Variants in PDE1A observed in about 807,000 individuals in gnomAD.
PDE1A encodes the protein dual specificity calcium/calmodulin-dependent 3',5'-cyclic nucleotide phosphodiesterase 1A.
PDE1A carries 35 observed loss-of-function variants against 61.7 expected under a neutral mutation model. The observed-to-expected ratio is 0.57, with a 90% CI of 0.43 to 0.75. The LOEUF is 0.75. Among genes scored for constraint, PDE1A ranks in the 30% least tolerant of loss-of-function variants. The probability of loss-of-function intolerance (pLI) is 0.00; values close to 1 mark genes in which losing one functional copy is unlikely to be tolerated. For synonymous variants in PDE1A, 232 were observed against 213.2 expected (o/e 1.09, Z -0.77); for missense variants, 597 against 630.6 (o/e 0.95, Z 0.57).
intron 11 of PDE1A, among the ~76,000 whole-genome samples, chr2:182,188,732 A>T (rs1274089470): frequency 2.6e-5 from 4 of 152,262 alleles, no homozygotes; most frequent in Non-Finnish European, 5.9e-5. Context: ...AGAAAATTTT[A>T]TATTTTGTAA....
At chr2:182,350,800 C>T (rs894408525) in intron 1 of PDE1A, among the ~76,000 whole-genome samples, 7 of 152,102 alleles carry the variant, frequency 4.6e-5, no homozygotes, top group South Asian at 2.1e-4. Flanking sequence ...TAGAGTCCCC[C>T]AGGACCCAGC....
the PDE1A span, among the ~76,000 whole-genome samples, chr2:182,695,675 AAAAAAAAAAAG>A: frequency 2.4e-4 from 22 of 92,258 alleles, no homozygotes; most frequent in Non-Finnish European, 5.0e-4. Flanking sequence ...TCAAAAAAAA[AAAAAAAAAAAG>A]AAAAAGAAAA....
chr2:182,564,635 T>C, the PDE1A span, among the ~76,000 whole-genome samples: 877 of 152,318 alleles, frequency 5.8e-3, 12 homozygotes, highest in African/African-American at 0.02. Context: ...CTGGATAATA[T>C]ACTGCAGAGT....
chr2:182,582,579 AG>A, the PDE1A span, among the ~76,000 whole-genome samples: 1 of 152,242 alleles, frequency 6.6e-6, no homozygotes, highest in Non-Finnish European at 1.5e-5. Flanking sequence ...TATGGACAAA[AG>A]AGATGGGAGA....
chr2:182,250,632 C>CT (rs1010724511), intron 2 of PDE1A, among the ~76,000 whole-genome samples: 14 of 148,912 alleles, frequency 9.4e-5, no homozygotes, highest in South Asian at 2.1e-4. Flanking sequence ...CTCGACCCAA[C>CT]TTTTTTTTTT....
At chr2:182,351,984 T>C (rs1698906850) in intron 1 of PDE1A, among the ~76,000 whole-genome samples, 1 of 152,208 alleles carries the variant, frequency 6.6e-6, no homozygotes, top group African/African-American at 2.4e-5. Flanking sequence ...AATAGAGTCA[T>C]GCATGTCAAA....
chr2:182,355,668 AT>A (rs1315820151), intron 1 of PDE1A, among the ~76,000 whole-genome samples: 1 of 152,014 alleles, frequency 6.6e-6, no homozygotes, highest in African/African-American at 2.4e-5. Flanking sequence ...TTTCTAAAGC[AT>A]TTTTTTCCTA....
chr2:182,360,903 C>T (rs1484047789), intron 1 of PDE1A, among the ~76,000 whole-genome samples: 1 of 152,000 alleles, frequency 6.6e-6, no homozygotes, highest in Non-Finnish European at 1.5e-5. Context: ...GGACAAATCA[C>T]TTAACCTCCC....
At chr2:182,239,854 G>A (rs1373013440) in intron 3 of PDE1A, among the ~76,000 whole-genome samples, 1 of 152,156 alleles carries the variant, frequency 6.6e-6, no homozygotes, top group Non-Finnish European at 1.5e-5. Flanking sequence ...GTTCATTTGA[G>A]GAGAAAGGTC....
chr2:182,306,746 A>T (rs1695613694), intron 1 of PDE1A, among the ~76,000 whole-genome samples: 1 of 152,196 alleles, frequency 6.6e-6, no homozygotes, highest in South Asian at 2.1e-4. Flanking sequence ...GTATTGACAA[A>T]CATGAAGAAA....
At chr2:182,275,485 C>A (rs966980188) in intron 1 of PDE1A, among the ~76,000 whole-genome samples, 15 of 152,024 alleles carry the variant, frequency 9.9e-5, no homozygotes, top group African/African-American at 3.6e-4. Flanking sequence ...TACACAGTAC[C>A]CAGAAGGTGT....
At chr2:182,571,273 T>C in the PDE1A span, among the ~76,000 whole-genome samples, 11 of 152,168 alleles carry the variant, frequency 7.2e-5, no homozygotes, top group Non-Finnish European at 1.5e-4. Flanking sequence ...ATAGGGGTCA[T>C]TGAAATATCA....
At chr2:182,568,363 T>C in the PDE1A span, among the ~76,000 whole-genome samples, 1 of 152,234 alleles carries the variant, frequency 6.6e-6, no homozygotes, top group South Asian at 2.1e-4. Flanking sequence ...TCTATCCTTT[T>C]ATAAAATGTT....
intron 1 of PDE1A, among the ~76,000 whole-genome samples, chr2:182,336,171 C>A (rs1415947018): frequency 6.6e-6 from 1 of 152,044 alleles, no homozygotes; most frequent in Non-Finnish European, 1.5e-5. Flanking sequence ...CTGTTGGTGG[C>A]AGAGTAGATT....
At chr2:182,643,582 A>C in the PDE1A span, among the ~76,000 whole-genome samples, 2 of 152,222 alleles carry the variant, frequency 1.3e-5, no homozygotes, top group Non-Finnish European at 2.9e-5. Flanking sequence ...TTTGAGTTAT[A>C]GTTCTAAGAA....
At chr2:182,365,257 A>G (rs11888602) in intron 1 of PDE1A, among the ~76,000 whole-genome samples, 3,680 of 152,120 alleles carry the variant, frequency 0.024, 134 homozygotes, top group African/African-American at 0.082. Context: ...GTGCAGTTGC[A>G]ATCATCTTGC....
At chr2:182,634,327 T>G in the PDE1A span, among the ~76,000 whole-genome samples, 1 of 152,236 alleles carries the variant, frequency 6.6e-6, no homozygotes, top group South Asian at 2.1e-4. Context: ...CTATGTCTAG[T>G]GTGAACCACA....
At chr2:182,414,648 C>T (rs1702810204) in intron 1 of PDE1A, among the ~76,000 whole-genome samples, 1 of 151,922 alleles carries the variant, frequency 6.6e-6, no homozygotes, top group Non-Finnish European at 1.5e-5. Flanking sequence ...GGGGCAGCAT[C>T]AAATTGTTAT....
chr2:182,404,980 G>A (rs1319463994), intron 1 of PDE1A, among the ~76,000 whole-genome samples: 3 of 152,180 alleles, frequency 2.0e-5, no homozygotes, highest in Non-Finnish European at 2.9e-5. Context: ...ATTATGTACT[G>A]TACATAATTA....
Sources: gnomAD v4.1 joint callset for allele counts (sites outside exome capture counted in the v4.1 genomes callset) on GRCh38, gnomAD v4.1.1 for gene constraint, MANE v1.5 for transcripts, NCBI Gene and HGNC (gene_info 2026-07-23, HGNC 2026-07-21) for gene names.